FAM163B: variants seen among roughly 807,000 people sequenced by gnomAD.
FAM163B encodes family with sequence similarity 163 member B, also known as protein FAM163B.
A neutral mutation model predicts 7.6 loss-of-function variants in FAM163B; 4 were observed. The ratio of observed to expected loss-of-function variants is 0.52; its 90% CI spans 0.26 to 1.20. The LOEUF (loss-of-function observed/expected upper bound fraction) is 1.20, where lower values mean the gene tolerates loss of function less well. FAM163B is among the 50% of genes most tolerant of loss of function. The pLI is 0.14. For missense variants in FAM163B, 250 were observed against 243.0 expected (o/e 1.03, Z -0.19); for synonymous variants, 120 against 111.6 (o/e 1.07, Z -0.47).
chr9:133,608,086 C>G (rs1361477338), intron 1 of FAM163B, among the ~76,000 whole-genome samples: 1 of 152,158 alleles, frequency 6.6e-6, no homozygotes, highest in Non-Finnish European at 1.5e-5. Context: ...CGTGAGTTGG[C>G]AGGGGCTGAG....
intron 1 of FAM163B, among the ~76,000 whole-genome samples, chr9:133,589,732 AC>A (rs1261794687): frequency 6.6e-6 from 1 of 151,186 alleles, no homozygotes; most frequent in African/African-American, 2.4e-5. Flanking sequence ...TGCCCTCGTG[AC>A]CCCCACCCTC....
intron 1 of FAM163B, among the ~76,000 whole-genome samples, chr9:133,594,783 G>C (rs1831606542): frequency 6.6e-6 from 1 of 152,096 alleles, no homozygotes; most frequent in African/African-American, 2.4e-5. Context: ...CCCTGAGTGA[G>C]GGGCCCAGAT....
intron 1 of FAM163B, among the ~76,000 whole-genome samples, chr9:133,597,107 T>G (rs1008535247): frequency 6.6e-6 from 1 of 152,148 alleles, no homozygotes; most frequent in Admixed American, 6.5e-5. Flanking sequence ...TTACCTGGCA[T>G]GGAAAGAAGC....
Position 133,608,864 on chromosome 9 carries a change from T to C in FAM163B, c.-24+213A>G, listed in dbSNP as rs558584658. ...GGTCCCCCACCTCTCCCTTAGGCCC[T>C]CGTGCCCACCTGGGTCTCAGTCTCC... On this transcript the variant is annotated intron_variant, in intron 1 of 2. Transcript: ENST00000673969. Among the ~76,000 whole-genome samples, 5 of 152,158 alleles carry C rather than the reference T, an allele frequency of 3.3e-5. No individual in the cohort carries two copies. The South Asian group carries it at 1.0e-3, about 32-fold the overall frequency.
intron 1 of FAM163B, among the ~76,000 whole-genome samples, chr9:133,587,458 C>T (rs1277143264): frequency 1.3e-5 from 2 of 152,198 alleles, no homozygotes; most frequent in Non-Finnish European, 2.9e-5. Flanking sequence ...CCTCAGGAAC[C>T]GTAGGGCAGG....
intron 1 of FAM163B, among the ~76,000 whole-genome samples, chr9:133,604,660 C>T (rs1016362385): frequency 3.9e-5 from 6 of 152,108 alleles, no homozygotes; most frequent in Admixed American, 6.6e-5. Flanking sequence ...CCGTGGTGGG[C>T]GGTGAGTCTC....
At chr9:133,594,238 A>G (rs896927426) in intron 1 of FAM163B, among the ~76,000 whole-genome samples, 48 of 152,204 alleles carry the variant, frequency 3.2e-4, no homozygotes, top group African/African-American at 1.1e-3. Context: ...TCTCTCTGGA[A>G]CACAGCTCCT....
intron 1 of FAM163B, among the ~76,000 whole-genome samples, chr9:133,607,314 C>T (rs965978421): frequency 2.6e-5 from 4 of 152,194 alleles, no homozygotes; most frequent in South Asian, 2.1e-4. Context: ...CATCTGTGCC[C>T]ACCTTTCCCC....
intron 1 of FAM163B, among the ~76,000 whole-genome samples, chr9:133,604,958 T>C (rs7858466): frequency 0.66 from 100,884 of 152,186 alleles, 35,420 homozygotes; most frequent in African/African-American, 0.9. Context: ...ACACAGAAAC[T>C]GTGGACCTCC....
intron 1 of FAM163B, among the ~76,000 whole-genome samples, chr9:133,588,627 T>TGTTGAGGGATCTAGCAG (rs1170127360): frequency 6.8e-6 from 1 of 146,506 alleles, no homozygotes; most frequent in Non-Finnish European, 1.5e-5. Flanking sequence ...GGATCTAGCA[T>TGTTGAGGGATCTAGCAG]GTTGAGGGAT....
intron 1 of FAM163B, among the ~76,000 whole-genome samples, chr9:133,591,219 T>A (rs1189235606): frequency 6.6e-6 from 1 of 152,230 alleles, no homozygotes. Flanking sequence ...AGGCACCTGC[T>A]ATGCCCTGGC....
intron 1 of FAM163B, among the ~76,000 whole-genome samples, chr9:133,588,428 G>A (rs997178869): frequency 5.9e-5 from 9 of 151,818 alleles, no homozygotes; most frequent in Non-Finnish European, 1.3e-4. Context: ...GCTGCTGTCA[G>A]GCCTGAAGTT....
chr9:133,588,714 C>CTAGCATACGGAAGGATCTAGTATGT (rs1831490783), intron 1 of FAM163B, among the ~76,000 whole-genome samples: 3 of 2,004 alleles, frequency 1.5e-3, no homozygotes, highest in African/African-American at 1.7e-3. Flanking sequence ...ATCTAGCATG[C>CTAGCATACGGAAGGATCTAGTATGT]TGCTGACCCA....
At chr9:133,581,808 T>C (rs1157903730) in intron 1 of FAM163B, among the ~76,000 whole-genome samples, 5 of 152,248 alleles carry the variant, frequency 3.3e-5, no homozygotes, top group African/African-American at 9.6e-5. Context: ...GCTGTCCCCC[T>C]CATCTTGACG....
At chr9:133,586,930 T>C (rs1831448254) in intron 1 of FAM163B, among the ~76,000 whole-genome samples, 1 of 152,118 alleles carries the variant, frequency 6.6e-6, no homozygotes, top group Non-Finnish European at 1.5e-5. Flanking sequence ...TCCCAGGTGG[T>C]GGCGTGAACT....
intron 1 of FAM163B, among the ~76,000 whole-genome samples, chr9:133,608,477 T>C (rs562754018): frequency 6.6e-6 from 1 of 152,264 alleles, no homozygotes; most frequent in South Asian, 2.1e-4. Flanking sequence ...GAAGCAGAGA[T>C]TCCTAACAGA....
At chr9:133,590,839 G>A (rs1588328208) in intron 1 of FAM163B, among the ~76,000 whole-genome samples, 1 of 152,338 alleles carries the variant, frequency 6.6e-6, no homozygotes, top group Non-Finnish European at 1.5e-5. Context: ...TCAAGGGGCC[G>A]ACAGAACAGC....
At chr9:133,579,782 G>A (rs957961743) in intron 2 of FAM163B, among the ~76,000 whole-genome samples, 2 of 152,178 alleles carry the variant, frequency 1.3e-5, no homozygotes, top group Non-Finnish European at 1.5e-5. Context: ...GCCCTGCCCC[G>A]ATGGCTCCCC....
intron 1 of FAM163B, among the ~76,000 whole-genome samples, chr9:133,593,099 A>G (rs1296995157): frequency 6.6e-6 from 1 of 152,210 alleles, no homozygotes; most frequent in Non-Finnish European, 1.5e-5. Flanking sequence ...CCGCCCTCTC[A>G]TCAGTCTTTA....
Sources: allele counts gnomAD v4.1 joint callset (sites outside exome capture counted in the v4.1 genomes callset), GRCh38; gene constraint gnomAD v4.1.1; transcripts MANE v1.5; gene names NCBI Gene and HGNC (gene_info 2026-07-23, HGNC 2026-07-21).